Variants in VRK2 observed in about 807,000 individuals in gnomAD.
VRK2 encodes VRK serine/threonine kinase 2.
A neutral mutation model predicts 57.6 loss-of-function variants in VRK2; 60 were observed. That is an observed-to-expected ratio of 1.04 (90% CI 0.85 to 1.29). The LOEUF (loss-of-function observed/expected upper bound fraction) is 1.29. VRK2 is among the 50% of genes most tolerant of loss of function. VRK2 has a pLI of 0.00. For synonymous variants in VRK2, 231 were observed against 199.2 expected (o/e 1.16, Z -1.35); for missense variants, 705 against 588.1 (o/e 1.20, Z -2.06).
At chr2:58,012,441 G>A (rs1558539771) in intron 1 of VRK2, among the ~76,000 whole-genome samples, 1 of 152,170 alleles carries the variant, frequency 6.6e-6, no homozygotes, top group Non-Finnish European at 1.5e-5. Context: ...GGAGCAACCA[G>A]AAGCTCCTCT....
intron 1 of VRK2, among the ~76,000 whole-genome samples, chr2:57,970,259 T>C (rs1468046710): frequency 1.3e-5 from 2 of 150,526 alleles, no homozygotes; most frequent in Non-Finnish European, 3.0e-5. Flanking sequence ...AAGTTCATTA[T>C]ATGAGACTAT....
chr2:58,014,692 C>T (rs1028066922), intron 1 of VRK2, among the ~76,000 whole-genome samples: 8 of 152,180 alleles, frequency 5.3e-5, no homozygotes, highest in South Asian at 4.1e-4. Flanking sequence ...AAGATGAATA[C>T]GGCATGATTC....
At chr2:57,952,083 T>C (rs1393678503) in intron 1 of VRK2, among the ~76,000 whole-genome samples, 5 of 151,896 alleles carry the variant, frequency 3.3e-5, no homozygotes, top group South Asian at 4.1e-4. Flanking sequence ...AAGACATATA[T>C]ATCTATATAT....
At chr2:58,047,020 C>A in intron 1 of VRK2, 152 bp downstream of exon 1, 4 of 961,814 alleles carry the variant, frequency 4.2e-6, no homozygotes, top group Non-Finnish European at 4.9e-6. Context: ...CCGGCCCGGG[C>A]AGAGTCGCTG....
intron 10 of VRK2, 79 bp downstream of exon 10, chr2:58,135,278 C>G (rs1017111859): frequency 6.7e-7 from 1 of 1,489,280 alleles, no homozygotes. Context: ...GTAGCTTTTG[C>G]TTAACCCACT....
At chr2:58,128,310 A>G (rs992776907) in intron 8 of VRK2, among the ~76,000 whole-genome samples, 3 of 152,238 alleles carry the variant, frequency 2.0e-5, no homozygotes, top group Admixed American at 2.0e-4. Flanking sequence ...ATGGTATTAA[A>G]ACTAATGATG....
intron 1 of VRK2, among the ~76,000 whole-genome samples, chr2:58,015,049 A>G (rs1401368378): frequency 6.6e-6 from 1 of 152,208 alleles, no homozygotes. Context: ...TGTTACAGGC[A>G]CAATAGAGCA....
chr2:58,042,393 G>A (rs1397890437), upstream of VRK2, among the ~76,000 whole-genome samples: 1 of 152,118 alleles, frequency 6.6e-6, no homozygotes, highest in East Asian at 1.9e-4. Context: ...CTGCTTAGCT[G>A]TTTAGAGATT....
intron 1 of VRK2, among the ~76,000 whole-genome samples, chr2:57,990,836 G>A (rs1391086657): frequency 1.4e-5 from 2 of 140,862 alleles, no homozygotes; most frequent in Non-Finnish European, 3.0e-5. Flanking sequence ...TTCCCATTAT[G>A]ATAGTCACAC....
At chr2:57,942,983 G>A (rs949219471) in intron 1 of VRK2, among the ~76,000 whole-genome samples, 1 of 152,076 alleles carries the variant, frequency 6.6e-6, no homozygotes, top group Non-Finnish European at 1.5e-5. Flanking sequence ...CATAGAAAAG[G>A]GAAAATATCA....
chr2:57,923,124 G>A (rs1296426011), intron 1 of VRK2, among the ~76,000 whole-genome samples: 2 of 151,994 alleles, frequency 1.3e-5, no homozygotes, highest in Non-Finnish European at 2.9e-5. Flanking sequence ...TTCATCTGCT[G>A]ATGGACACTT....
chr2:58,107,605 A>T (rs1268500705), intron 7 of VRK2, among the ~76,000 whole-genome samples: 1 of 152,200 alleles, frequency 6.6e-6, no homozygotes, highest in Non-Finnish European at 1.5e-5. Flanking sequence ...TGTCTAAATT[A>T]TAAGGTGGTA....
chr2:58,075,684 C>T (rs575234368), intron 2 of VRK2, among the ~76,000 whole-genome samples: 1 of 152,246 alleles, frequency 6.6e-6, no homozygotes, highest in South Asian at 2.1e-4. Flanking sequence ...ATGTGACCTT[C>T]ACCAGTATTT....
intron 1 of VRK2, among the ~76,000 whole-genome samples, chr2:57,989,407 C>G (rs1458527571): frequency 6.6e-6 from 1 of 152,124 alleles, no homozygotes. Flanking sequence ...TGTTCATACA[C>G]AAAAAGTGAG....
At chr2:58,140,241 G>T (rs1455746789) in intron 11 of VRK2, among the ~76,000 whole-genome samples, 1 of 151,952 alleles carries the variant, frequency 6.6e-6, no homozygotes, top group Non-Finnish European at 1.5e-5. Flanking sequence ...TGTATGTGCT[G>T]ATATTTCAAT....
chr2:58,086,259 A>G, intron 4 of VRK2, 80 bp from the exon 5 acceptor site: 1 of 1,268,498 alleles, frequency 7.9e-7, no homozygotes, highest in Non-Finnish European at 1.1e-6. Flanking sequence ...TTGGTTAGCT[A>G]AATAAATTTG....
At chr2:58,043,238 G>C (rs1674533771), upstream of VRK2, among the ~76,000 whole-genome samples, 1 of 152,068 alleles carries the variant, frequency 6.6e-6, no homozygotes, top group Non-Finnish European at 1.5e-5. Context: ...TGGTGGTTCA[G>C]GATTAGTTGA....
chr2:58,138,215 A>C (rs716758), intron 10 of VRK2, among the ~76,000 whole-genome samples: 9,942 of 152,274 alleles, frequency 0.065, 1,089 homozygotes, highest in African/African-American at 0.23. Flanking sequence ...ATATTAAAAT[A>C]GTAGTGAATG....
Position 58,123,136 on chromosome 2 carries a change from T to G in VRK2, c.579T>G (p.Tyr193Ter), listed in dbSNP as rs559471489. Residue 193 changes from tyrosine (Y) to a stop codon, truncating the protein, a stop_gained, in exon 8 of 13, where the codon TAT (tyrosine) becomes TAG (stop). Transcript: ENST00000340157. LOFTEE classifies it high-confidence loss of function. Reference sequence around the variant, plus strand: ...CAGATTATGGACTTTCCTACAGATATTGTCCCAATGGGAACCACAAACAGT... The same window carrying G: ...CAGATTATGGACTTTCCTACAGATAGTGTCCCAATGGGAACCACAAACAGT... ...YLADYGLSYRYCPNGNHKQYQ... is the reference protein window; with the variant it reads ...YLADYGLSYR 3 of 1,600,762 alleles carry G rather than the reference T, an allele frequency of 1.9e-6. No homozygotes were observed. Among genetic ancestry groups the G allele is most frequent in the Non-Finnish European group, 1.7e-6 (2 of 1,176,296 alleles).
Sources: allele counts gnomAD v4.1 joint callset (sites outside exome capture counted in the v4.1 genomes callset), GRCh38; gene constraint gnomAD v4.1.1; transcripts MANE v1.5; gene names NCBI Gene and HGNC (gene_info 2026-07-23, HGNC 2026-07-21).